Variants in DNAJC1 observed in about 807,000 individuals in gnomAD.
DNAJC1 encodes dnaJ homolog subfamily C member 1.
DNAJC1 carries 58 observed loss-of-function variants against 76.6 expected under a neutral mutation model. The observed-to-expected ratio is 0.76, with a 90% CI of 0.61 to 0.94. DNAJC1 has a LOEUF of 0.94. DNAJC1 is among the 40% of genes least tolerant of loss of function. The probability of loss-of-function intolerance (pLI) is 0.00; values close to 1 mark genes in which losing one functional copy is unlikely to be tolerated. For synonymous variants in DNAJC1, 258 were observed against 267.9 expected (o/e 0.96, Z 0.36); for missense variants, 689 against 677.3 (o/e 1.02, Z -0.19).
At chr10:21,775,392 G>C (rs1378431240) in intron 9 of DNAJC1, among the ~76,000 whole-genome samples, 1 of 133,812 alleles carries the variant, frequency 7.5e-6, no homozygotes, top group Non-Finnish European at 1.5e-5. Context: ...GTCTTGGGAA[G>C]AGCCATATCC....
intron 8 of DNAJC1, among the ~76,000 whole-genome samples, chr10:21,828,799 T>G (rs912960263): frequency 5.3e-5 from 8 of 152,210 alleles, no homozygotes; most frequent in African/African-American, 1.9e-4. Flanking sequence ...TGACCTACAC[T>G]TTTTCTTTTT....
At chr10:21,949,596 T>C (rs888961300) in intron 1 of DNAJC1, among the ~76,000 whole-genome samples, 6 of 151,672 alleles carry the variant, frequency 4.0e-5, no homozygotes, top group African/African-American at 1.2e-4. Context: ...TTTGTATTTT[T>C]AGTAGAGACA....
intron 8 of DNAJC1, among the ~76,000 whole-genome samples, chr10:21,872,352 G>A (rs936638668): frequency 5.3e-5 from 8 of 152,126 alleles, no homozygotes; most frequent in African/African-American, 1.7e-4. Flanking sequence ...TTACAGGCGT[G>A]AGCCACCGTG....
At chr10:21,808,466 T>C (rs1834916991) in intron 8 of DNAJC1, among the ~76,000 whole-genome samples, 1 of 152,174 alleles carries the variant, frequency 6.6e-6, no homozygotes, top group African/African-American at 2.4e-5. Flanking sequence ...TTCATAGTTA[T>C]TTTATGGCCA....
At chr10:21,832,952 T>C (rs1835384468) in intron 8 of DNAJC1, among the ~76,000 whole-genome samples, 1 of 152,166 alleles carries the variant, frequency 6.6e-6, no homozygotes, top group African/African-American at 2.4e-5. Flanking sequence ...ATGCTCTGAG[T>C]AGTTCTGTCT....
At chr10:21,790,667 C>A (rs1473629657) in intron 9 of DNAJC1, among the ~76,000 whole-genome samples, 1 of 151,962 alleles carries the variant, frequency 6.6e-6, no homozygotes. Context: ...CATCTGGCAG[C>A]AAAAAGATGA....
chr10:21,880,581 G>A (rs1486330772), intron 8 of DNAJC1, among the ~76,000 whole-genome samples: 1 of 152,076 alleles, frequency 6.6e-6, no homozygotes, highest in African/African-American at 2.4e-5. Flanking sequence ...TGGGTGACTA[G>A]GTACACTGTC....
intron 8 of DNAJC1, among the ~76,000 whole-genome samples, chr10:21,806,857 T>A (rs1373283805): frequency 1.3e-5 from 2 of 152,152 alleles, no homozygotes; most frequent in African/African-American, 4.8e-5. Context: ...AAACTAAATT[T>A]AAAAATACCT....
intron 7 of DNAJC1, among the ~76,000 whole-genome samples, chr10:21,903,738 C>A (rs956873805): frequency 2.0e-5 from 3 of 152,142 alleles, no homozygotes; most frequent in Non-Finnish European, 4.4e-5. Flanking sequence ...ACACCCAAAT[C>A]CCTACAACCT....
At position 21,859,440 on chromosome 10, in the gene DNAJC1, C is replaced by T. The variant is rs528516990; in HGVS notation, c.978+22842G>A. Among the ~76,000 whole-genome samples, 15 of 152,214 alleles carry T rather than the reference C, an allele frequency of 9.9e-5. No individual in the cohort carries two copies. In the East Asian group the frequency reaches 2.9e-3, roughly 29 times the overall value. ...AGCACACAGGACAGTATCTGACACT[C>T]AAAAGATGTTAAGAATGATGAAAAT... On this transcript the variant is annotated intron_variant, in intron 8 of 11. Transcript: ENST00000376980.
intron 1 of DNAJC1, among the ~76,000 whole-genome samples, chr10:21,931,120 A>G (rs2131782609): frequency 6.6e-6 from 1 of 152,208 alleles, no homozygotes; most frequent in Admixed American, 6.5e-5. Flanking sequence ...TCCTACTCTA[A>G]ACCCTTGAGC....
intron 8 of DNAJC1, among the ~76,000 whole-genome samples, chr10:21,873,938 G>A (rs1192276288): frequency 6.6e-6 from 1 of 152,176 alleles, no homozygotes; most frequent in Admixed American, 6.6e-5. Context: ...TAAGTAGACA[G>A]CTATGAATTA....
At chr10:21,946,230 T>C (rs1007949010) in intron 1 of DNAJC1, among the ~76,000 whole-genome samples, 2 of 151,802 alleles carry the variant, frequency 1.3e-5, no homozygotes, top group Non-Finnish European at 2.9e-5. Flanking sequence ...TTAGTAGAGA[T>C]GGGGTTTCAT....
chr10:21,845,213 ATTTG>A (rs1446033697), intron 8 of DNAJC1, among the ~76,000 whole-genome samples: 2 of 152,000 alleles, frequency 1.3e-5, no homozygotes, highest in African/African-American at 2.4e-5. Context: ...TAAACTGCAA[ATTTG>A]TTTGTCTCGT....
intron 8 of DNAJC1, among the ~76,000 whole-genome samples, chr10:21,880,168 T>TCA (rs1347348264): frequency 6.6e-6 from 1 of 152,206 alleles, no homozygotes; most frequent in Non-Finnish European, 1.5e-5. Flanking sequence ...AGCAATTCAG[T>TCA]CACATCTTCA....
At chr10:21,802,020 A>G (rs1382694885) in intron 9 of DNAJC1, among the ~76,000 whole-genome samples, 1 of 152,168 alleles carries the variant, frequency 6.6e-6, no homozygotes, top group Non-Finnish European at 1.5e-5. Context: ...AGAAAAAATA[A>G]CTATTGGGTA....
intron 7 of DNAJC1, among the ~76,000 whole-genome samples, chr10:21,883,036 G>C (rs1836307932): frequency 6.6e-6 from 1 of 152,034 alleles, no homozygotes; most frequent in South Asian, 2.1e-4. Context: ...CATCACTGGA[G>C]GCCAGGAGTT....
chr10:21,841,443 G>T (rs910555983), intron 8 of DNAJC1, among the ~76,000 whole-genome samples: 4 of 152,114 alleles, frequency 2.6e-5, no homozygotes, highest in African/African-American at 9.7e-5. Context: ...GTGGGCGAAG[G>T]ATATGAACAG....
At chr10:21,914,003 T>C (rs1278556266) in intron 6 of DNAJC1, among the ~76,000 whole-genome samples, 1 of 152,160 alleles carries the variant, frequency 6.6e-6, no homozygotes, top group East Asian at 1.9e-4. Context: ...TTCTCTCATC[T>C]CTCTAAACAC....
Sources: gnomAD v4.1 joint callset for allele counts (sites outside exome capture counted in the v4.1 genomes callset) on GRCh38, gnomAD v4.1.1 for gene constraint, MANE v1.5 for transcripts, NCBI Gene and HGNC (gene_info 2026-07-23, HGNC 2026-07-21) for gene names.